TCEA3: variants seen among roughly 807,000 people sequenced by gnomAD.
The protein encoded by TCEA3 is transcription elongation factor A protein 3.
A neutral mutation model predicts 44.0 loss-of-function variants in TCEA3; 36 were observed. The observed-to-expected ratio is 0.82, with a 90% CI of 0.63 to 1.08. The LOEUF is 1.08. TCEA3 is among the 50% of genes least tolerant of loss of function. The pLI, the probability that TCEA3 is intolerant of heterozygous loss-of-function variation, is 0.00. For missense variants in TCEA3, 392 were observed against 441.2 expected (o/e 0.89, Z 1.00); for synonymous variants, 162 against 159.7 (o/e 1.01, Z -0.11).
At chr1:23,406,197 T>A (rs1374762553) in intron 5 of TCEA3, among the ~76,000 whole-genome samples, 1 of 152,222 alleles carries the variant, frequency 6.6e-6, no homozygotes, top group East Asian at 1.9e-4. Context: ...CTTCCATGCA[T>A]CAGCTGGAGC....
rs781396957 is a variant in TCEA3, at chr1:23,397,840, C to A, written c.559G>T (p.Val187Phe). ...AGCATCTCCACACACTTGTCCCGGA[C>A]AGAGTCCCCTGTGAGATAGCAGGGG... Reference protein sequence around the residue: ...LAPCYLTGDSVRDKCVEMLSA... With the variant: ...LAPCYLTGDSFRDKCVEMLSA... Residue 187 changes from valine (V) to phenylalanine (F), a missense_variant, in exon 6 of 11, where the codon GTC becomes TTC. By Grantham distance (50) the Val-to-Phe change is conservative. Coordinates refer to ENST00000450454, the MANE Select transcript of TCEA3 (RefSeq NM_003196.3). 1 of 1,614,002 alleles carries A rather than the reference C, an allele frequency of 6.2e-7. No homozygotes were observed. Among genetic ancestry groups the A allele is most frequent in the Non-Finnish European group, 8.5e-7 (1 of 1,179,898 alleles).
chr1:23,421,447 T>C (rs975372161), intron 1 of TCEA3, among the ~76,000 whole-genome samples: 1 of 152,042 alleles, frequency 6.6e-6, no homozygotes, highest in African/African-American at 2.4e-5. Context: ...TCATGGAATA[T>C]CAACATGGGT....
At chr1:23,395,364 G>A (rs933718816) in intron 7 of TCEA3, among the ~76,000 whole-genome samples, 1 of 152,206 alleles carries the variant, frequency 6.6e-6, no homozygotes, top group Non-Finnish European at 1.5e-5. Flanking sequence ...CGGCCCCTCA[G>A]AGGAACTTTT....
chr1:23,407,459 G>A (rs983935124), intron 5 of TCEA3, among the ~76,000 whole-genome samples: 7 of 151,714 alleles, frequency 4.6e-5, no homozygotes, highest in Admixed American at 1.3e-4. Context: ...CCTCCCCTTC[G>A]CTTAAACTGC....
At chr1:23,402,083 A>C (rs1029252552) in intron 5 of TCEA3, among the ~76,000 whole-genome samples, 9 of 152,316 alleles carry the variant, frequency 5.9e-5, no homozygotes, top group African/African-American at 2.2e-4. Context: ...GCTCATGCCT[A>C]AAGTCCCAGC....
intron 7 of TCEA3, 68 bp from the exon 8 acceptor site, chr1:23,394,101 G>T: frequency 1.3e-6 from 2 of 1,564,662 alleles, no homozygotes; most frequent in East Asian, 2.3e-5. Flanking sequence ...TGGCCCTGAC[G>T]CCTGAGAGCT....
At chr1:23,421,130 C>T (rs1286708239) in intron 1 of TCEA3, among the ~76,000 whole-genome samples, 4 of 152,176 alleles carry the variant, frequency 2.6e-5, no homozygotes, top group Non-Finnish European at 5.9e-5. Flanking sequence ...GGGTACACAA[C>T]TCCAAGTGTA....
intron 1 of TCEA3, chr1:23,419,355 C>T (rs1639989337): frequency 2.6e-6 from 1 of 378,400 alleles, no homozygotes; most frequent in East Asian, 3.9e-5. Flanking sequence ...ACCCTCTGAG[C>T]CAGGCTCCTG....
intron 5 of TCEA3, among the ~76,000 whole-genome samples, chr1:23,401,152 T>C (rs1225149605): frequency 6.6e-6 from 1 of 152,152 alleles, no homozygotes; most frequent in Non-Finnish European, 1.5e-5. Flanking sequence ...CTCTTGCTGT[T>C]TGGCCTGACC....
intron 8 of TCEA3, among the ~76,000 whole-genome samples, chr1:23,391,148 C>CTTTTTTTTT (rs59905045): frequency 2.0e-4 from 25 of 126,378 alleles, no homozygotes; most frequent in Non-Finnish European, 3.4e-4. Flanking sequence ...TTCTTTCTTT[C>CTTTTTTTTT]TTTTTTTTTT....
intron 5 of TCEA3, among the ~76,000 whole-genome samples, chr1:23,398,562 C>T (rs1400999593): frequency 2.6e-5 from 4 of 152,138 alleles, no homozygotes; most frequent in African/African-American, 9.7e-5. Flanking sequence ...TTGCTAGATG[C>T]CAGAACTGTG....
chr1:23,422,935 G>A (rs760522137), intron 1 of TCEA3, among the ~76,000 whole-genome samples: 10 of 152,118 alleles, frequency 6.6e-5, no homozygotes, highest in African/African-American at 1.9e-4. Context: ...GTCTCTAGGC[G>A]TCCCCACCCT....
rs369029843 is a variant in TCEA3 at position 23,408,743 on chromosome 1, G to A, written c.381-17C>T. Reference sequence around the variant, plus strand: ...GAGTCTCTCCTGAAAGAAGAAAATTGGCAAGGAGACTGCTTTGTAGACTAG... The same window carrying A: ...GAGTCTCTCCTGAAAGAAGAAAATTAGCAAGGAGACTGCTTTGTAGACTAG... On this transcript the variant is annotated splice_polypyrimidine_tract_variant and intron_variant, in intron 4 of 10. Transcript: ENST00000450454. 6.3e-7 allele frequency: 1 copy of A among 1,595,608 alleles called. No individual in the cohort carries two copies.
intron 4 of TCEA3, among the ~76,000 whole-genome samples, chr1:23,416,304 C>A (rs973398369): frequency 7.2e-5 from 11 of 151,850 alleles, no homozygotes; most frequent in African/African-American, 2.7e-4. Flanking sequence ...CCGTACCCGG[C>A]CTTCCATTAT....
intron 5 of TCEA3, among the ~76,000 whole-genome samples, chr1:23,399,251 G>A (rs1639325999): frequency 6.7e-6 from 1 of 149,694 alleles, no homozygotes. Context: ...CAGACTGGGA[G>A]GCTTCACTAG....
chr1:23,420,680 T>A (rs968198648), intron 1 of TCEA3, among the ~76,000 whole-genome samples: 2 of 152,160 alleles, frequency 1.3e-5, no homozygotes, highest in Non-Finnish European at 2.9e-5. Context: ...TTCTCTCGGG[T>A]AAAGAGAACC....
intron 10 of TCEA3, among the ~76,000 whole-genome samples, chr1:23,382,951 G>A (rs1638706023): frequency 6.6e-6 from 1 of 152,138 alleles, no homozygotes; most frequent in South Asian, 2.1e-4. Context: ...GTTCTAATGA[G>A]GCCCCAGTAA....
At chr1:23,393,547 G>A (rs902703263) in intron 8 of TCEA3, among the ~76,000 whole-genome samples, 1 of 152,204 alleles carries the variant, frequency 6.6e-6, no homozygotes, top group South Asian at 2.1e-4. Flanking sequence ...TCCTGGCTCC[G>A]ACTCTTTCTA....
intron 5 of TCEA3, among the ~76,000 whole-genome samples, chr1:23,400,074 G>C (rs1472737016): frequency 6.6e-6 from 1 of 152,202 alleles, no homozygotes; most frequent in Non-Finnish European, 1.5e-5. Context: ...GTGAGGGTGA[G>C]GGAGCTTGTA....
Sources: gnomAD v4.1 joint callset for allele counts (sites outside exome capture counted in the v4.1 genomes callset) on GRCh38, gnomAD v4.1.1 for gene constraint, MANE v1.5 for transcripts, NCBI Gene and HGNC (gene_info 2026-07-23, HGNC 2026-07-21) for gene names.